HYAL4: variants seen among roughly 807,000 people sequenced by gnomAD.
The protein encoded by HYAL4 is hyaluronidase 4, also known as hyaluronidase-4.
In HYAL4, 37 loss-of-function variants were observed where a neutral mutation model predicts 35.2. The observed-to-expected ratio is 1.05, with a 90% CI of 0.81 to 1.38. The LOEUF is 1.38. HYAL4 is among the 40% of genes most tolerant of loss of function. The pLI is 0.00. For missense variants in HYAL4, 572 were observed against 572.4 expected (o/e 1.00, Z 0.01); for synonymous variants, 198 against 203.2 (o/e 0.97, Z 0.22).
At chr7:123,844,652 G>A (rs1186710520), upstream of HYAL4, among the ~76,000 whole-genome samples, 1 of 152,200 alleles carries the variant, frequency 6.6e-6, no homozygotes, top group Non-Finnish European at 1.5e-5. Context: ...GGAGTCTAGA[G>A]GCAGTAGGCC....
At chr7:123,869,845 C>G (rs948587305) in intron 3 of HYAL4, among the ~76,000 whole-genome samples, 3 of 148,312 alleles carry the variant, frequency 2.0e-5, no homozygotes, top group Admixed American at 6.7e-5. Context: ...TCACCCCCCC[C>G]CACCCAGCTA....
At chr7:123,863,093 G>C (rs1806611465) in intron 2 of HYAL4, among the ~76,000 whole-genome samples, 1 of 152,084 alleles carries the variant, frequency 6.6e-6, no homozygotes, top group Non-Finnish European at 1.5e-5. Context: ...TTACCATCTA[G>C]GAACAAATCC....
the HYAL4 span, among the ~76,000 whole-genome samples, chr7:123,785,656 A>G: frequency 6.6e-6 from 1 of 152,226 alleles, no homozygotes; most frequent in African/African-American, 2.4e-5. This position sits in a 1 kb window ranked among gnomAD's most constrained non-coding sequence, Gnocchi z 4.5. Context: ...TTTCATGAAA[A>G]TAATAATGTG....
At chr7:123,838,850 A>C (rs1469057770) in intron 1 of HYAL4, among the ~76,000 whole-genome samples, 1 of 151,962 alleles carries the variant, frequency 6.6e-6, no homozygotes, top group Non-Finnish European at 1.5e-5. Context: ...TCTTTGTTGA[A>C]TTGGGTTAAT....
intron 2 of HYAL4, among the ~76,000 whole-genome samples, chr7:123,861,454 A>G (rs530423142): frequency 1.3e-5 from 2 of 152,206 alleles, no homozygotes; most frequent in Non-Finnish European, 2.9e-5. Context: ...ATGTGATCCT[A>G]AGACTTAGTG....
At chr7:123,873,776 A>G (rs1806942373) in intron 3 of HYAL4, among the ~76,000 whole-genome samples, 1 of 152,230 alleles carries the variant, frequency 6.6e-6, no homozygotes, top group Non-Finnish European at 1.5e-5. Flanking sequence ...TTAAGATTAT[A>G]AAATCAAAAT....
chr7:123,797,209 A>T, the HYAL4 span, among the ~76,000 whole-genome samples: 1 of 152,256 alleles, frequency 6.6e-6, no homozygotes, highest in Non-Finnish European at 1.5e-5. Context: ...GATGAGTAAC[A>T]GGTTCTATGA....
intron 2 of HYAL4, among the ~76,000 whole-genome samples, chr7:123,861,164 T>C (rs1293413774): frequency 1.3e-5 from 2 of 152,058 alleles, no homozygotes; most frequent in African/African-American, 2.4e-5. Context: ...AGGCCTGAGG[T>C]TGGGGACTCA....
chr7:123,832,715 A>G (rs1204877382), intron 1 of HYAL4, among the ~76,000 whole-genome samples: 2 of 151,264 alleles, frequency 1.3e-5, no homozygotes, highest in African/African-American at 4.9e-5. Flanking sequence ...GTTAGCCAGG[A>G]TGGTCTCGAT....
chr7:123,841,353 G>A (rs1359006185), upstream of HYAL4, among the ~76,000 whole-genome samples: 1 of 151,986 alleles, frequency 6.6e-6, no homozygotes, highest in Non-Finnish European at 1.5e-5. Flanking sequence ...GATCCGTGAT[G>A]GATAAGCTTT....
At chr7:123,856,016 A>G (rs1213252450) in intron 2 of HYAL4, among the ~76,000 whole-genome samples, 1 of 151,586 alleles carries the variant, frequency 6.6e-6, no homozygotes, top group Non-Finnish European at 1.5e-5. Context: ...TGTATGCTTC[A>G]TGAAGTTCTT....
chr7:123,836,416 G>A (rs1203326815), intron 1 of HYAL4, among the ~76,000 whole-genome samples: 1 of 152,098 alleles, frequency 6.6e-6, no homozygotes, highest in African/African-American at 2.4e-5. Context: ...CACTTTTAGT[G>A]TCCATTTGCA....
At chr7:123,770,854 T>A in the HYAL4 span, among the ~76,000 whole-genome samples, 1 of 152,170 alleles carries the variant, frequency 6.6e-6, no homozygotes, top group African/African-American at 2.4e-5. Flanking sequence ...TGTCTTATTA[T>A]GAAGCAATTA....
At chr7:123,773,657 G>A in the HYAL4 span, among the ~76,000 whole-genome samples, 2 of 152,170 alleles carry the variant, frequency 1.3e-5, no homozygotes, top group African/African-American at 4.8e-5. Flanking sequence ...GCGCATATAC[G>A]TTTGTGTGCA....
rs71163703 is a variant in HYAL4 at position 123,832,479 on chromosome 7, C to CTTTTTTTTTTTTTTTTTTTTTTTT, written c.-257+3370_-257+3393dup. 1.4e-4 allele frequency among the ~76,000 whole-genome samples: 3 copies of CTTTTTTTTTTTTTTTTTTTTTTTT among 21,846 alleles called. 1 individual carries two copies. Among genetic ancestry groups the CTTTTTTTTTTTTTTTTTTTTTTTT allele is most frequent in the Non-Finnish European group, 2.2e-4 (3 of 13,732 alleles). 14.3% of individuals were successfully genotyped at this position (21,846 alleles called of 152,430 possible). On this transcript the variant is annotated intron_variant, in intron 1 of 4. Transcript: ENST00000489978. ...AGTCCCCAAAGTCTATTGTGTCATA[C>CTTTTTTTTTTTTTTTTTTTTTTTT]TTTTTTTTTTTTTTTTTTTTTTTTT... is the stretch of plus-strand genomic sequence containing the variant.
chr7:123,799,048 G>T, the HYAL4 span, among the ~76,000 whole-genome samples: 2 of 152,190 alleles, frequency 1.3e-5, no homozygotes, highest in African/African-American at 4.8e-5. Flanking sequence ...AGACTGAAGG[G>T]GGCAATCATA....
chr7:123,808,747 C>T, the HYAL4 span, among the ~76,000 whole-genome samples: 2 of 152,180 alleles, frequency 1.3e-5, no homozygotes, highest in Non-Finnish European at 2.9e-5. Context: ...ATTTATTTCT[C>T]ACAGTTCTGG....
chr7:123,773,192 G>A, the HYAL4 span, among the ~76,000 whole-genome samples: 2 of 152,004 alleles, frequency 1.3e-5, no homozygotes, highest in African/African-American at 4.8e-5. Context: ...AGGAGTTTTC[G>A]CTGTTAATGC....
At chr7:123,779,574 G>A in the HYAL4 span, among the ~76,000 whole-genome samples, 3 of 152,194 alleles carry the variant, frequency 2.0e-5, no homozygotes, top group Admixed American at 6.5e-5. Flanking sequence ...ATAAGATTGT[G>A]CTGTTAATTA....
Sources: gnomAD v4.1 joint callset for allele counts (sites outside exome capture counted in the v4.1 genomes callset) on GRCh38, gnomAD v4.1.1 for gene constraint, Gnocchi (gnomAD v3.1) non-coding constraint, MANE v1.5 for transcripts, NCBI Gene and HGNC (gene_info 2026-07-23, HGNC 2026-07-21) for gene names.